Variants in STXBP6 observed in about 807,000 individuals in gnomAD.
The protein encoded by STXBP6 is syntaxin-binding protein 6.
Under a neutral mutation model 26.9 loss-of-function variants are expected in STXBP6, and 21 were observed. The observed-to-expected ratio is 0.78, with a 90% confidence interval of 0.55 to 1.12. STXBP6 has a LOEUF of 1.12. Ranked by LOEUF, STXBP6 falls within the 50% of genes most tolerant of loss-of-function variation. STXBP6 has a pLI of 0.00. For synonymous variants in STXBP6, 97 were observed against 92.6 expected, an observed-to-expected ratio of 1.05 and a Z score of -0.27; for missense variants, 232 against 257.9, an observed-to-expected ratio of 0.90 and a Z score of 0.69.
intron 2 of STXBP6, among the ~76,000 whole-genome samples, chr14:24,967,724 T>A (rs2073779091): frequency 6.6e-6 from 1 of 152,300 alleles, no homozygotes; most frequent in East Asian, 1.9e-4. Flanking sequence ...CTGATATATA[T>A]TCCAATGTAG....
intron 1 of STXBP6, among the ~76,000 whole-genome samples, chr14:25,046,766 T>C (rs1343658349): frequency 2.0e-5 from 3 of 152,192 alleles, no homozygotes; most frequent in Non-Finnish European, 2.9e-5. Flanking sequence ...CACAGGACTA[T>C]GGCGTGGGGG....
chr14:24,851,787 C>G (rs1194386644), intron 4 of STXBP6, among the ~76,000 whole-genome samples: 2 of 152,120 alleles, frequency 1.3e-5, no homozygotes, highest in African/African-American at 4.8e-5. Context: ...AGCAGCCAGA[C>G]CTGGCTCCCC....
intron 2 of STXBP6, among the ~76,000 whole-genome samples, chr14:24,971,630 G>GT (rs2073909329): frequency 1.3e-5 from 2 of 152,160 alleles, no homozygotes; most frequent in African/African-American, 4.8e-5. Flanking sequence ...ATCCTGCTTA[G>GT]TTTTTTAATG....
intron 4 of STXBP6, among the ~76,000 whole-genome samples, chr14:24,832,408 A>G (rs1004050950): frequency 6.6e-6 from 1 of 152,176 alleles, no homozygotes; most frequent in Non-Finnish European, 1.5e-5. Context: ...CAGATTGGGT[A>G]TTTGGTGTGA....
At chr14:24,987,774 T>C (rs1390055688) in intron 1 of STXBP6, 11 of 910,610 alleles carry the variant, frequency 1.2e-5, no homozygotes, top group Non-Finnish European at 1.4e-5. Flanking sequence ...CACTGTGAGG[T>C]GTTGTTACCC....
chr14:24,950,094 T>C (rs1196500939), intron 2 of STXBP6, among the ~76,000 whole-genome samples: 2 of 152,202 alleles, frequency 1.3e-5, no homozygotes, highest in African/African-American at 2.4e-5. Context: ...ATCTTTCTTT[T>C]AACAATTGTA....
At chr14:24,814,438 G>A (rs1403304698) in intron 5 of STXBP6, among the ~76,000 whole-genome samples, 1 of 152,216 alleles carries the variant, frequency 6.6e-6, no homozygotes, top group Non-Finnish European at 1.5e-5. Flanking sequence ...GATCAGTGCT[G>A]CTGTCCTGGT....
chr14:24,914,699 CCTTT>C (rs1341073294), intron 2 of STXBP6, among the ~76,000 whole-genome samples: 1 of 152,166 alleles, frequency 6.6e-6, no homozygotes, highest in African/African-American at 2.4e-5. Context: ...ATGAAGACTT[CCTTT>C]TTTTAACTTT....
At chr14:24,960,201 AC>A (rs2073484752) in intron 2 of STXBP6, among the ~76,000 whole-genome samples, 1 of 152,326 alleles carries the variant, frequency 6.6e-6, no homozygotes, top group East Asian at 1.9e-4. Flanking sequence ...GGGGGCTGAG[AC>A]TGAGTCCAAA....
At chr14:25,045,078 A>G (rs992707731) in intron 1 of STXBP6, among the ~76,000 whole-genome samples, 33 of 152,368 alleles carry the variant, frequency 2.2e-4, no homozygotes, top group African/African-American at 7.5e-4. Flanking sequence ...TTCGGGATAT[A>G]CTAGGTGAAA....
chr14:25,013,184 C>G (rs1367663042), intron 1 of STXBP6, among the ~76,000 whole-genome samples: 2 of 152,148 alleles, frequency 1.3e-5, no homozygotes, highest in African/African-American at 2.4e-5. Context: ...TTCTCTTTTT[C>G]TCTTTCCCCA....
chr14:24,910,658 T>C (rs967142581), intron 2 of STXBP6, among the ~76,000 whole-genome samples: 7 of 152,156 alleles, frequency 4.6e-5, no homozygotes, highest in Non-Finnish European at 1.0e-4. Flanking sequence ...AGAAAACACA[T>C]GTATGTATAT....
At chr14:25,007,333 G>A (rs1345965239) in intron 1 of STXBP6, among the ~76,000 whole-genome samples, 2 of 152,182 alleles carry the variant, frequency 1.3e-5, no homozygotes, top group African/African-American at 4.8e-5. Flanking sequence ...ACCTTGCTAA[G>A]AGGCGTGGGG....
intron 3 of STXBP6, 70 bp from the exon 4 acceptor site, chr14:24,856,171 A>G: frequency 1.4e-6 from 2 of 1,440,218 alleles, no homozygotes; most frequent in East Asian, 2.4e-5. Flanking sequence ...TACTCCTGTC[A>G]AAAGATTTAT....
intron 4 of STXBP6, among the ~76,000 whole-genome samples, chr14:24,853,792 T>C (rs1038347488): frequency 6.6e-6 from 1 of 152,068 alleles, no homozygotes; most frequent in Non-Finnish European, 1.5e-5. Flanking sequence ...ACTGGACATA[T>C]GTGTTCCCAT....
intron 1 of STXBP6, among the ~76,000 whole-genome samples, chr14:25,002,808 C>A (rs1001076866): frequency 2.0e-5 from 3 of 151,922 alleles, no homozygotes; most frequent in Admixed American, 6.6e-5. Context: ...ACTCTTGTTG[C>A]CCAGGCTGGG....
At chr14:24,997,920 T>C (rs2074648399) in intron 1 of STXBP6, among the ~76,000 whole-genome samples, 1 of 152,186 alleles carries the variant, frequency 6.6e-6, no homozygotes, top group African/African-American at 2.4e-5. Context: ...ACTATATTTC[T>C]TTATACAAAT....
At chr14:24,832,799 A>G (rs1566390980) in intron 4 of STXBP6, among the ~76,000 whole-genome samples, 2 of 152,220 alleles carry the variant, frequency 1.3e-5, no homozygotes, top group Non-Finnish European at 2.9e-5. Context: ...AACCAACTGT[A>G]TATCTGGTGT....
intron 5 of STXBP6, chr14:24,817,811 T>C (rs1364828220): frequency 6.1e-6 from 2 of 326,258 alleles, no homozygotes. Flanking sequence ...ATCTAGCCAA[T>C]TCTCCTTGAA....
Sources: gnomAD v4.1 joint callset for allele counts (sites outside exome capture counted in the v4.1 genomes callset) on GRCh38, gnomAD v4.1.1 for gene constraint, MANE v1.5 for transcripts, NCBI Gene and HGNC (gene_info 2026-07-23, HGNC 2026-07-21) for gene names.